FBXL5: variants seen among roughly 807,000 people sequenced by gnomAD.
FBXL5 encodes F-box and leucine rich repeat protein 5, also known as F-box/LRR-repeat protein 5.
Under a neutral mutation model 78.3 loss-of-function variants are expected in FBXL5, and 26 were observed. That is an observed-to-expected ratio of 0.33 (90% CI 0.24 to 0.46). FBXL5 has a LOEUF of 0.46. Ranked by LOEUF, FBXL5 falls within the 20% of genes least tolerant of loss-of-function variation. FBXL5 has a pLI of 1.00. For missense variants in FBXL5, 710 were observed against 829.2 expected, an observed-to-expected ratio of 0.86 and a Z score of 1.77; for synonymous variants, 295 against 282.5, an observed-to-expected ratio of 1.04 and a Z score of -0.45.
chr4:15,642,378 G>A (rs1714973918), intron 2 of FBXL5, among the ~76,000 whole-genome samples: 1 of 151,758 alleles, frequency 6.6e-6, no homozygotes, highest in African/African-American at 2.4e-5. Context: ...GACTACAGGT[G>A]CCCATCACAA....
At chr4:15,629,318 GAATT>G (rs1028157505) in intron 6 of FBXL5, among the ~76,000 whole-genome samples, 45 of 152,080 alleles carry the variant, frequency 3.0e-4, no homozygotes, top group African/African-American at 1.1e-3. Flanking sequence ...CGGGTATTAT[GAATT>G]AATTTTCTAG....
intron 3 of FBXL5, among the ~76,000 whole-genome samples, chr4:15,639,758 T>A (rs1343083390): frequency 6.6e-6 from 1 of 152,230 alleles, no homozygotes; most frequent in African/African-American, 2.4e-5. Flanking sequence ...GTCCTCTGAT[T>A]TAACTCTGAT....
intron 3 of FBXL5, among the ~76,000 whole-genome samples, chr4:15,640,249 C>G (rs1401470874): frequency 6.6e-6 from 1 of 151,652 alleles, no homozygotes; most frequent in Non-Finnish European, 1.5e-5. Flanking sequence ...GCTATTTTTC[C>G]CAGGCTGGTC....
upstream of FBXL5, among the ~76,000 whole-genome samples, chr4:15,662,324 T>C (rs1717351426): frequency 2.0e-5 from 3 of 150,814 alleles, no homozygotes; most frequent in South Asian, 6.2e-4. Context: ...TCAAAGGTGG[T>C]GGCACTTGTG....
At chr4:15,652,012 G>A (rs1368307369) in intron 1 of FBXL5, among the ~76,000 whole-genome samples, 3 of 152,276 alleles carry the variant, frequency 2.0e-5, no homozygotes, top group Non-Finnish European at 4.4e-5. Context: ...ATACTGGACT[G>A]TAAACTTTTT....
rs199810959 is a variant in FBXL5 at position 15,625,504 on chromosome 4, C to A, written c.1598G>T (p.Cys533Phe). 2.1e-4 allele frequency: 331 copies of A among 1,613,910 alleles called. No individual in the cohort carries two copies. Among genetic ancestry groups the A allele is most frequent in the South Asian group, 4.6e-4 (42 of 91,068 alleles). ...TGGAGAAGCACAATGCTGCTGCCAA[C>A]AGACACTAGTCCTTAGTCCAACAAT... ...KDIVGLRTSV[C>F]WQQHCASPAF... is the part of the protein sequence containing the mutation. The change falls in exon 9 of 11, where the codon TGT becomes TTT. Residue 533 changes from cysteine to phenylalanine, a missense_variant. Around this residue, in one of 4 missense-constraint regions of FBXL5, gnomAD observed 517 missense variants for 542.9 expected, o/e 0.95. Transcript: ENST00000341285.
At chr4:15,653,641 C>T (rs1283577254) in intron 1 of FBXL5, among the ~76,000 whole-genome samples, 3 of 137,526 alleles carry the variant, frequency 2.2e-5, no homozygotes, top group Admixed American at 1.5e-4. Context: ...ATTTTTGAGA[C>T]CATTTTTTTT....
intron 9 of FBXL5, among the ~76,000 whole-genome samples, chr4:15,624,888 C>T (rs747714391): frequency 1.7e-4 from 26 of 152,264 alleles, no homozygotes; most frequent in Non-Finnish European, 3.1e-4. Flanking sequence ...CTATAACATA[C>T]AGAAATAATA....
chr4:15,622,210 AAAGCAGG>A (rs1222483959), intron 9 of FBXL5, among the ~76,000 whole-genome samples: 1 of 152,152 alleles, frequency 6.6e-6, no homozygotes, highest in Non-Finnish European at 1.5e-5. Flanking sequence ...CATAATGACT[AAAGCAGG>A]ATACACTGAA....
At chr4:15,652,017 C>A (rs1348753267) in intron 1 of FBXL5, among the ~76,000 whole-genome samples, 1 of 152,136 alleles carries the variant, frequency 6.6e-6, no homozygotes, top group Non-Finnish European at 1.5e-5. Context: ...GGACTGTAAA[C>A]TTTTTGAGAC....
rs1420459911 is a variant in FBXL5, at chr4:15,625,608, A to G, written c.1494T>C (p.His498=). 3.7e-6 allele frequency: 6 copies of G among 1,614,058 alleles called. No homozygotes were observed. Among genetic ancestry groups the G allele is most frequent in the Non-Finnish European group, 4.2e-6 (5 of 1,180,028 alleles). ...TTACACAAAGACTTTCAACATTTCT[A>G]TGTCTCCATTCCACAGTATCTTCAA... ...ADIEDTVEWR[H]RNVESLCVME... is the part of the protein sequence containing the mutation. The change falls in exon 9 of 11, where the codon CAT becomes CAC. Residue 498 remains histidine, a synonymous_variant. Coordinates refer to ENST00000341285, the MANE Select transcript of FBXL5 (RefSeq NM_012161.4).
chr4:15,625,713 G>T lies in FBXL5; in HGVS notation c.1389C>A (p.His463Gln). 1.2e-6 allele frequency: 2 copies of T among 1,614,206 alleles called. No homozygotes were observed. Among genetic ancestry groups the T allele is most frequent in the Non-Finnish European group, 1.7e-6 (2 of 1,180,036 alleles). ...CAGAAGAAACAGGCTTAGTCCAGGG[G>T]TGTTCATTATCTATTTCTTCTCCAA... ...KGIGEEIDNEHPWTKPVSSEN... is the reference protein window; with the variant it reads ...KGIGEEIDNEQPWTKPVSSEN... The change falls in exon 9 of 11, where the codon CAC (histidine) becomes CAA (glutamine). Residue 463 changes from histidine to glutamine, a missense_variant. Physicochemically the swap from His to Gln is conservative, Grantham distance 24. This residue lies in a region of FBXL5 where 517 missense variants were observed against 542.9 expected (regional missense o/e 0.95). Transcript: ENST00000341285.
intron 6 of FBXL5, among the ~76,000 whole-genome samples, chr4:15,628,789 G>GCACGCA (rs1713331595): frequency 7.5e-4 from 16 of 21,220 alleles, no homozygotes; most frequent in African/African-American, 1.3e-3. Flanking sequence ...ACACACACAC[G>GCACGCA]CACACACACA....
At chr4:15,656,072 A>T (rs1716904192), upstream of FBXL5, among the ~76,000 whole-genome samples, 2 of 152,236 alleles carry the variant, frequency 1.3e-5, no homozygotes, top group South Asian at 4.1e-4. Flanking sequence ...CAGGTGCGGA[A>T]ATGCACCTCA....
chr4:15,645,189 T>C (rs1325337263), intron 1 of FBXL5, among the ~76,000 whole-genome samples: 1 of 151,962 alleles, frequency 6.6e-6, no homozygotes, highest in East Asian at 1.9e-4. Context: ...TAAGCTGTCT[T>C]ATTGCCTATT....
intron 9 of FBXL5, among the ~76,000 whole-genome samples, chr4:15,622,551 A>G (rs1380830059): frequency 6.6e-6 from 1 of 152,090 alleles, no homozygotes; most frequent in African/African-American, 2.4e-5. Flanking sequence ...CTGTATTCTT[A>G]AGTAAAGTAC....
At chr4:15,633,701 CTTGTGCCT>C (rs1713929528) in intron 5 of FBXL5, among the ~76,000 whole-genome samples, 1 of 152,174 alleles carries the variant, frequency 6.6e-6, no homozygotes, top group Non-Finnish European at 1.5e-5. Context: ...TGAAGTGATT[CTTGTGCCT>C]CAGCCTCCAA....
In FBXL5 at chr4:15,637,091, T is replaced by G. The variant is rs544829282; in HGVS notation, c.584-415A>C. On this transcript the variant is annotated intron_variant, in intron 4 of 10. Transcript: ENST00000341285. ...AGGCATTTTTAATGACACACACAAA[T>G]CTCATGACCTTTTCCATTTATGCAT... is the stretch of plus-strand genomic sequence containing the variant. Among the ~76,000 whole-genome samples the G allele has an allele frequency of 2.0e-5, 3 of 152,304 alleles. No individual in the cohort carries two copies. The South Asian group carries it at 6.2e-4, about 32-fold the overall frequency.
chr4:15,619,773 G>C (rs569753628), intron 9 of FBXL5, among the ~76,000 whole-genome samples: 5 of 152,118 alleles, frequency 3.3e-5, no homozygotes, highest in African/African-American at 4.8e-5. Context: ...CTTTGAGCTC[G>C]GGAGTTTGAG....
Sources: gnomAD v4.1 joint callset for allele counts (sites outside exome capture counted in the v4.1 genomes callset) on GRCh38, gnomAD v4.1.1 for gene constraint, gnomAD v4.1.1 regional missense constraint, MANE v1.5 for transcripts, NCBI Gene and HGNC (gene_info 2026-07-23, HGNC 2026-07-21) for gene names.